The following USP15 variants were observed in gnomAD, a reference collection of about 807,000 sequenced individuals.
USP15 encodes the protein ubiquitin carboxyl-terminal hydrolase 15.
Under a neutral mutation model 127.1 loss-of-function variants are expected in USP15, and 18 were observed. The observed-to-expected ratio is 0.14, with a 90% CI of 0.10 to 0.21. USP15 has a LOEUF of 0.21. Among genes scored for constraint, USP15 ranks in the 10% least tolerant of loss-of-function variants. The pLI is 1.00. For missense variants in USP15, 805 were observed against 1,159.9 expected, an observed-to-expected ratio of 0.69 and a Z score of 4.44; for synonymous variants, 364 against 393.7, an observed-to-expected ratio of 0.92 and a Z score of 0.89.
chr12:62,402,842 A>G (rs1000080627), intron 21 of USP15, among the ~76,000 whole-genome samples: 1 of 152,078 alleles, frequency 6.6e-6, no homozygotes, highest in Non-Finnish European at 1.5e-5. Context: ...TAGATTGGAG[A>G]CACTGAGTAA....
chr12:62,351,121 C>A (rs1161996626), intron 7 of USP15, among the ~76,000 whole-genome samples: 1 of 151,816 alleles, frequency 6.6e-6, no homozygotes, highest in African/African-American at 2.4e-5. Context: ...CAATATGAAT[C>A]AAGAACATTT....
At chr12:62,401,647 G>A (rs10747960) in intron 21 of USP15, among the ~76,000 whole-genome samples, 40,038 of 151,600 alleles carry the variant, frequency 0.26, 6,594 homozygotes, top group East Asian at 0.44. Flanking sequence ...GTACCTTACC[G>A]TACCTGTGAT....
intron 8 of USP15, among the ~76,000 whole-genome samples, chr12:62,363,238 G>A (rs1269296356): frequency 6.6e-6 from 1 of 151,756 alleles, no homozygotes; most frequent in Non-Finnish European, 1.5e-5. Context: ...CAAACCTAAG[G>A]CATTTTCTAT....
chr12:62,391,365 T>C lies in USP15; in HGVS notation c.2169T>C (p.Asp723=), dbSNP rs1384284325. Residue 723 remains aspartate, a synonymous_variant, in exon 16 of 22, where the codon GAT becomes GAC. Coordinates refer to ENST00000280377, the MANE Select transcript of USP15 (RefSeq NM_001252078.2). ...TFQFNNLGNT[D]INYIKDDTRH... ...AGTTCAACAACTTAGGCAATACTGA[T>C]ATCAACTACATCAAAGATGATACCA... The C allele has an allele frequency of 1.2e-6, 2 of 1,613,208 alleles. No individual in the cohort carries two copies. The highest frequency in any genetic ancestry group is 1.7e-6 in the Non-Finnish European group (2 of 1,179,574).
intron 5 of USP15, among the ~76,000 whole-genome samples, chr12:62,324,196 C>T (rs2065065267): frequency 6.6e-6 from 1 of 151,760 alleles, no homozygotes; most frequent in African/African-American, 2.4e-5. Context: ...AAATTTTATG[C>T]AGAAAATGAT....
At position 62,410,645 on chromosome 12, in the gene USP15, C is replaced by T. The variant is rs555551231; in HGVS notation, c.*6270C>T. The T allele has an allele frequency of 2.0e-5, 3 of 152,260 alleles. No individual in the cohort carries two copies. In the South Asian group the frequency reaches 6.2e-4, roughly 32 times the overall value. 9.4% of individuals were successfully genotyped at this position (152,260 alleles called of 1,614,324 possible). On this transcript the variant is annotated 3_prime_UTR_variant, in exon 22 of 22. Transcript: ENST00000280377. ...ATTCTACACTTACAACAACTTCCAC[C>T]ATAGCTAGCTCCAAACAGGTCATTA...
chr12:62,311,064 T>C lies in USP15; in HGVS notation c.349-3726T>C, dbSNP rs369212354. ...TTCATGTCCTTTGCCTACTTTTAAATGGGATTGATTTTTACCTGTTGAGTT... is the reference window on the plus strand; with the variant it reads ...TTCATGTCCTTTGCCTACTTTTAAACGGGATTGATTTTTACCTGTTGAGTT... On this transcript the variant is annotated intron_variant, in intron 3 of 21. Coordinates refer to ENST00000280377, the MANE Select transcript of USP15 (RefSeq NM_001252078.2). Among the ~76,000 whole-genome samples, 4 of 149,054 alleles carry C rather than the reference T, an allele frequency of 2.7e-5. No homozygotes were observed. The East Asian group carries it at 7.8e-4, about 29-fold the overall frequency.
At chr12:62,313,709 T>G (rs1224811856) in intron 3 of USP15, among the ~76,000 whole-genome samples, 1 of 151,830 alleles carries the variant, frequency 6.6e-6, no homozygotes, top group Admixed American at 6.6e-5. Flanking sequence ...AAATTACATT[T>G]ATTAGCAGAA....
chr12:62,328,095 TTAAG>T lies in USP15; in HGVS notation c.683+2167_683+2170del, dbSNP rs2065184549. On this transcript the variant is annotated intron_variant, in intron 6 of 21. Transcript: ENST00000280377. Reference sequence around the variant, plus strand: ...TTCATTGAGAAATTTTGAGCACAATTTAAGTAAGAGGAGAAGATAAGAAAGAAGA... The same window carrying T: ...TTCATTGAGAAATTTTGAGCACAATTTAAGAGGAGAAGATAAGAAAGAAGA... Among the ~76,000 whole-genome samples the T allele has an allele frequency of 2.0e-5, 3 of 152,230 alleles. No homozygotes were observed. In the South Asian group the frequency reaches 6.2e-4, roughly 32 times the overall value.
At chr12:62,363,521 A>G (rs776546254) in intron 8 of USP15, among the ~76,000 whole-genome samples, 21 of 152,098 alleles carry the variant, frequency 1.4e-4, no homozygotes, top group Non-Finnish European at 2.2e-4. Flanking sequence ...TTAGGTCGCT[A>G]TTATCTATCA....
intron 7 of USP15, among the ~76,000 whole-genome samples, chr12:62,352,795 C>G (rs2066000286): frequency 6.6e-6 from 1 of 150,484 alleles, no homozygotes; most frequent in Non-Finnish European, 1.5e-5. Context: ...AAAAGTCAAT[C>G]TGACATCTTT....
chr12:62,395,424 T>C (rs979815565), intron 19 of USP15, among the ~76,000 whole-genome samples: 1 of 152,116 alleles, frequency 6.6e-6, no homozygotes, highest in African/African-American at 2.4e-5. Flanking sequence ...CATGAGATGT[T>C]TTGATGGAGT....
chr12:62,304,713 T>A (rs1565836795), intron 3 of USP15: 1 of 453,466 alleles, frequency 2.2e-6, no homozygotes, highest in Non-Finnish European at 4.4e-6. Flanking sequence ...AGCAAGGATA[T>A]AAGCAGAAAA....
chr12:62,380,465 C>T (rs1322094582), intron 8 of USP15, among the ~76,000 whole-genome samples: 4 of 151,992 alleles, frequency 2.6e-5, no homozygotes, highest in Non-Finnish European at 5.9e-5. Flanking sequence ...CCAAACCTGT[C>T]TAACTTAATA....
At chr12:62,341,667 G>A (rs1055405271) in intron 6 of USP15, among the ~76,000 whole-genome samples, 2 of 152,088 alleles carry the variant, frequency 1.3e-5, no homozygotes, top group African/African-American at 2.4e-5. Context: ...TGAAACTCTG[G>A]GTTGAAAAAT....
intron 5 of USP15, among the ~76,000 whole-genome samples, chr12:62,322,260 T>C (rs2065005585): frequency 6.6e-6 from 1 of 152,100 alleles, no homozygotes; most frequent in Admixed American, 6.6e-5. Flanking sequence ...CTTGAGTAGC[T>C]GGGACTGCAG....
intron 1 of USP15, among the ~76,000 whole-genome samples, chr12:62,264,183 C>T (rs1409529349): frequency 2.0e-5 from 3 of 152,106 alleles, no homozygotes; most frequent in African/African-American, 7.2e-5. Context: ...AGGGTTTCCC[C>T]ATGTTACCCG....
chr12:62,336,016 C>T, intron 6 of USP15: 4 of 984,200 alleles, frequency 4.1e-6, no homozygotes, highest in Non-Finnish European at 4.8e-6. Context: ...TCATTCATAT[C>T]ATATGTAGTC....
chr12:62,378,302 T>C (rs2066892428), intron 8 of USP15, among the ~76,000 whole-genome samples: 1 of 152,226 alleles, frequency 6.6e-6, no homozygotes. Flanking sequence ...ATATCGGACA[T>C]CATCTTAGTT....
Sources: allele counts gnomAD v4.1 joint callset (sites outside exome capture counted in the v4.1 genomes callset), GRCh38; gene constraint gnomAD v4.1.1; transcripts MANE v1.5; gene names NCBI Gene and HGNC (gene_info 2026-07-23, HGNC 2026-07-21).